The following SH3BGRL2 variants were observed in gnomAD, a reference collection of about 807,000 sequenced individuals.
SH3BGRL2 encodes SH3 domain-binding glutamic acid-rich-like protein 2.
In SH3BGRL2, 21 loss-of-function variants were observed where a neutral mutation model predicts 14.8. The ratio of observed to expected loss-of-function variants is 1.42; its 90% CI spans 1.01 to 2.05. The LOEUF (loss-of-function observed/expected upper bound fraction) is 2.05, where lower values mean the gene tolerates loss of function less well. SH3BGRL2 is among the 30% of genes most tolerant of loss of function. The probability of loss-of-function intolerance (pLI) is 0.00; values close to 1 mark genes in which losing one functional copy is unlikely to be tolerated. For missense variants in SH3BGRL2, 147 were observed against 130.8 expected (o/e 1.12, Z -0.61); for synonymous variants, 50 against 47.8 (o/e 1.05, Z -0.19).
intron 1 of SH3BGRL2, among the ~76,000 whole-genome samples, chr6:79,636,344 C>T (rs542860168): frequency 9.9e-5 from 15 of 152,158 alleles, no homozygotes; most frequent in South Asian, 2.1e-4. Flanking sequence ...GGGACAGCTC[C>T]GCACAGAGAA....
chr6:79,580,366 C>T, the SH3BGRL2 span, among the ~76,000 whole-genome samples: 1 of 152,118 alleles, frequency 6.6e-6, no homozygotes, highest in Admixed American at 6.6e-5. Context: ...ATCGCACCTA[C>T]TCTAAAATTT....
At chr6:79,547,932 C>T in the SH3BGRL2 span, among the ~76,000 whole-genome samples, 23 of 152,314 alleles carry the variant, frequency 1.5e-4, no homozygotes, top group Non-Finnish European at 2.6e-4. Context: ...GGGGCACAAT[C>T]ACAGCTCACT....
At chr6:79,540,694 A>C in the SH3BGRL2 span, among the ~76,000 whole-genome samples, 1 of 152,182 alleles carries the variant, frequency 6.6e-6, no homozygotes, top group Admixed American at 6.5e-5. Flanking sequence ...TATACTTACA[A>C]CATAATGCTG....
rs572333396 is a variant in SH3BGRL2 at position 79,656,995 on chromosome 6, T to C, written c.46-16619T>C. On this transcript the variant is annotated intron_variant, in intron 1 of 3. Coordinates refer to ENST00000369838, the MANE Select transcript of SH3BGRL2 (RefSeq NM_031469.4). ...ACTTAGGGGTGTGTGTACAAGTCTT[T>C]TGAAGCCTGATGAATTTGCATAATT... Among the ~76,000 whole-genome samples, 8 of 152,316 alleles carry C rather than the reference T, an allele frequency of 5.3e-5. No individual in the cohort carries two copies. The South Asian group carries it at 1.7e-3, about 32-fold the overall frequency.
At chr6:79,634,900 C>G (rs1285707148) in intron 1 of SH3BGRL2, among the ~76,000 whole-genome samples, 2 of 152,100 alleles carry the variant, frequency 1.3e-5, no homozygotes, top group Non-Finnish European at 2.9e-5. Flanking sequence ...GGGAGAGGAA[C>G]TGGGTTGGAT....
chr6:79,622,172 G>T, the SH3BGRL2 span, among the ~76,000 whole-genome samples: 8 of 152,152 alleles, frequency 5.3e-5, no homozygotes, highest in South Asian at 2.1e-4. Flanking sequence ...GCAGCTGCAT[G>T]TATATCAATT....
At chr6:79,590,854 T>G in the SH3BGRL2 span, among the ~76,000 whole-genome samples, 1 of 152,140 alleles carries the variant, frequency 6.6e-6, no homozygotes, top group African/African-American at 2.4e-5. Flanking sequence ...TAAAGTAGTA[T>G]TTGTTCACTG....
chr6:79,655,888 A>C (rs940611923), intron 1 of SH3BGRL2, among the ~76,000 whole-genome samples: 1 of 152,192 alleles, frequency 6.6e-6, no homozygotes, highest in African/African-American at 2.4e-5. Context: ...TCTGTGCTTT[A>C]ACAAGCCCTC....
intron 2 of SH3BGRL2, among the ~76,000 whole-genome samples, chr6:79,689,189 A>T (rs892659184): frequency 6.6e-6 from 1 of 150,976 alleles, no homozygotes; most frequent in South Asian, 2.1e-4. Flanking sequence ...CTAATTACCA[A>T]ATTTTATATT....
chr6:79,688,557 C>G (rs1334250553), intron 2 of SH3BGRL2, among the ~76,000 whole-genome samples: 1 of 152,098 alleles, frequency 6.6e-6, no homozygotes, highest in Non-Finnish European at 1.5e-5. Flanking sequence ...TTACAAAACA[C>G]TTTAGGGAGA....
At chr6:79,649,806 A>G (rs774403588) in intron 1 of SH3BGRL2, among the ~76,000 whole-genome samples, 15 of 152,100 alleles carry the variant, frequency 9.9e-5, no homozygotes, top group Non-Finnish European at 2.1e-4. Context: ...TTCCCTTTAG[A>G]CTTTGCACTG....
intron 1 of SH3BGRL2, among the ~76,000 whole-genome samples, chr6:79,663,962 G>A (rs1769606209): frequency 6.6e-6 from 1 of 152,204 alleles, no homozygotes; most frequent in Non-Finnish European, 1.5e-5. Flanking sequence ...CAGGGCGTGG[G>A]GCCTGCCAAG....
chr6:79,602,604 G>A, the SH3BGRL2 span, among the ~76,000 whole-genome samples: 1 of 152,170 alleles, frequency 6.6e-6, no homozygotes, highest in Non-Finnish European at 1.5e-5. Context: ...CTTAATGTGA[G>A]AGTGGCTATA....
intron 1 of SH3BGRL2, among the ~76,000 whole-genome samples, chr6:79,636,881 T>G (rs12530052): frequency 0.074 from 11,317 of 152,274 alleles, 537 homozygotes; most frequent in Non-Finnish European, 0.11. Context: ...ACCCTAATGA[T>G]GTCATCTTAC....
At chr6:79,618,784 T>C in the SH3BGRL2 span, among the ~76,000 whole-genome samples, 2 of 150,768 alleles carry the variant, frequency 1.3e-5, no homozygotes, top group African/African-American at 4.9e-5. Flanking sequence ...CCATGCGTGG[T>C]GGTATGTGCC....
At chr6:79,638,410 G>T (rs1299959316) in intron 1 of SH3BGRL2, among the ~76,000 whole-genome samples, 2 of 152,162 alleles carry the variant, frequency 1.3e-5, no homozygotes, top group Non-Finnish European at 2.9e-5. Flanking sequence ...CAACAAACAT[G>T]AGAGTGCAGA....
chr6:79,552,534 A>C, the SH3BGRL2 span, among the ~76,000 whole-genome samples: 1 of 152,116 alleles, frequency 6.6e-6, no homozygotes, highest in Non-Finnish European at 1.5e-5. Context: ...AACTGGTTAC[A>C]TTTGAGTTAC....
chr6:79,694,919 C>T (rs1770301490), intron 2 of SH3BGRL2, among the ~76,000 whole-genome samples: 1 of 152,056 alleles, frequency 6.6e-6, no homozygotes, highest in Non-Finnish European at 1.5e-5. Context: ...TTGAGCCATT[C>T]TCCGCACAGT....
At chr6:79,674,068 T>A (rs780117701) in intron 2 of SH3BGRL2, among the ~76,000 whole-genome samples, 1 of 150,754 alleles carries the variant, frequency 6.6e-6, no homozygotes, top group Admixed American at 6.7e-5. Context: ...GAAACAGAAG[T>A]AGGAAGGGAA....
Sources: allele counts gnomAD v4.1 joint callset (sites outside exome capture counted in the v4.1 genomes callset), GRCh38; gene constraint gnomAD v4.1.1; transcripts MANE v1.5; gene names NCBI Gene and HGNC (gene_info 2026-07-23, HGNC 2026-07-21).